Variants in PDE4A observed in about 807,000 individuals in gnomAD.
PDE4A encodes phosphodiesterase 4A.
Under a neutral mutation model 73.9 loss-of-function variants are expected in PDE4A, and 21 were observed. That is an observed-to-expected ratio of 0.28 (90% CI 0.20 to 0.41). The LOEUF is 0.41. Among genes scored for constraint, PDE4A ranks in the 10% least tolerant of loss-of-function variants. PDE4A has a pLI of 1.00. For missense variants in PDE4A, 958 were observed against 1,211.4 expected (o/e 0.79, Z 3.10); for synonymous variants, 463 against 505.4 (o/e 0.92, Z 1.13).
chr19:10,431,398 G>A (rs1349933605), intron 1 of PDE4A, among the ~76,000 whole-genome samples: 1 of 152,238 alleles, frequency 6.6e-6, no homozygotes, highest in Non-Finnish European at 1.5e-5. Flanking sequence ...AGTTCTGTCA[G>A]CCTCAGTCTA....
chr19:10,417,017 G>T, upstream of PDE4A: 1 of 1,535,892 alleles, frequency 6.5e-7, no homozygotes, highest in Non-Finnish European at 8.7e-7. Flanking sequence ...TTGGGCTAGG[G>T]GCGGGGCTTC....
intron 1 of PDE4A, chr19:10,430,730 C>T: frequency 4.1e-6 from 1 of 241,460 alleles, no homozygotes; most frequent in Non-Finnish European, 6.6e-6. Flanking sequence ...AGGGCCGAGG[C>T]GACAGGGCGG....
chr19:10,445,137 G>A (rs191536330), intron 1 of PDE4A, among the ~76,000 whole-genome samples: 2 of 152,294 alleles, frequency 1.3e-5, no homozygotes, highest in Admixed American at 1.3e-4. Context: ...AGCAGAGGGA[G>A]GACTTGACCT....
Position 10,424,922 on chromosome 19 carries a change from A to G in PDE4A, c.320+3838A>G, listed in dbSNP as rs191313214. ...AGGTCACACAGCGAGGAAGGTGAGA[A>G]TAGGAGTTAAAAACCAGATCTCGGC... On this transcript the variant is annotated intron_variant, in intron 1 of 14. Transcript: ENST00000380702. The surrounding 1 kb of genome is among the most constrained non-coding windows in gnomAD (Gnocchi z 4.8). Among the ~76,000 whole-genome samples the G allele has an allele frequency of 1.1e-3, 172 of 152,320 alleles. 1 individual carries two copies. Among genetic ancestry groups the G allele is most frequent in the African/African-American group, 4.1e-3 (171 of 41,584 alleles).
chr19:10,441,043 AT>A (rs1297620011), intron 1 of PDE4A, among the ~76,000 whole-genome samples: 1 of 145,692 alleles, frequency 6.9e-6, no homozygotes, highest in Non-Finnish European at 1.5e-5. Flanking sequence ...TGGCCTATTT[AT>A]TTTTGAAACA....
chr19:10,437,344 G>C (rs1348175845), intron 1 of PDE4A, among the ~76,000 whole-genome samples: 1 of 151,812 alleles, frequency 6.6e-6, no homozygotes, highest in Admixed American at 6.6e-5. Context: ...GGCTGGTCTC[G>C]AACTCCTGAT....
At chr19:10,433,449 C>G (rs912039913) in intron 1 of PDE4A, among the ~76,000 whole-genome samples, 4 of 152,166 alleles carry the variant, frequency 2.6e-5, no homozygotes, top group Non-Finnish European at 5.9e-5. Flanking sequence ...CAGATACACA[C>G]AGGAACGCAC....
rs2042686416 is a variant in PDE4A, at chr19:10,424,294, T to A, written c.320+3210T>A. Among the ~76,000 whole-genome samples, 1 of 152,146 alleles carries A rather than the reference T, an allele frequency of 6.6e-6. No individual in the cohort carries two copies. Among genetic ancestry groups the A allele is most frequent in the Non-Finnish European group, 1.5e-5 (1 of 68,002 alleles). On this transcript the variant is annotated intron_variant, in intron 1 of 14. Transcript: ENST00000380702. This position sits in a 1 kb window ranked among gnomAD's most constrained non-coding sequence, Gnocchi z 4.8. ...CAACATACGGACCCTGCGTCCCCCC[T>A]CCCTGGGCCCTAAAACTTCCCCATC...
chr19:10,466,584 G>A (rs2043376916), intron 14 of PDE4A, among the ~76,000 whole-genome samples: 2 of 151,242 alleles, frequency 1.3e-5, no homozygotes, highest in Admixed American at 6.6e-5. Flanking sequence ...TGCAATCTCC[G>A]CCTCCCAGGT....
upstream of PDE4A, chr19:10,417,697 T>C: frequency 6.3e-7 from 1 of 1,595,630 alleles, no homozygotes; most frequent in Non-Finnish European, 8.5e-7. Context: ...CGTGCCAACA[T>C]GCTGGGGGCC....
At chr19:10,459,015 CG>C (rs1196881556) in intron 8 of PDE4A, 1 of 192,850 alleles carries the variant, frequency 5.2e-6, no homozygotes, top group Non-Finnish European at 1.1e-5. Context: ...CCCTGGGGCT[CG>C]TGAACAGCTT....
chr19:10,417,120 C>T, upstream of PDE4A: 4 of 1,444,242 alleles, frequency 2.8e-6, no homozygotes, highest in Non-Finnish European at 1.8e-6. Context: ...TTGGTCCCCT[C>T]GTGCCTCAGT....
intron 14 of PDE4A, among the ~76,000 whole-genome samples, chr19:10,466,011 T>TC (rs1201616860): frequency 6.8e-6 from 1 of 147,532 alleles, no homozygotes; most frequent in East Asian, 2.1e-4. Flanking sequence ...TACTTTTTTT[T>TC]TTTTTTCCTG....
rs200742358 is a variant in PDE4A at position 10,457,963 on chromosome 19, C to T, written c.962C>T (p.Pro321Leu). 17 of 1,613,646 alleles carry T rather than the reference C, an allele frequency of 1.1e-5. No homozygotes were observed. The highest frequency in any genetic ancestry group is 6.7e-5 in the African/African-American group (5 of 75,002). Reference sequence around the variant, plus strand: ...GCGCCGCGACCAAGACCCTCCCAGCCGCCCCCGCCCCCTGTACCACACTTA... The same window carrying T: ...GCGCCGCGACCAAGACCCTCCCAGCTGCCCCCGCCCCCTGTACCACACTTA... ...QQAPRPRPSQ[P>L]PPPPVPHLQP... Residue 321 changes from proline (P) to leucine (L), a missense_variant, in exon 8 of 15, where the codon CCG (proline) becomes CTG (leucine). Transcript: ENST00000380702.
intron 8 of PDE4A, 93 bp from the exon 9 acceptor site, chr19:10,459,307 C>T (rs770276061): frequency 6.3e-7 from 1 of 1,585,002 alleles, no homozygotes; most frequent in East Asian, 2.3e-5. Context: ...AATAATGGTG[C>T]TTCCTTCAGA....
Position 10,420,658 on chromosome 19 carries a change from G to A in PDE4A, c.-107G>A. 2.2e-6 allele frequency: 3 copies of A among 1,363,438 alleles called. No homozygotes were observed. Among genetic ancestry groups the A allele is most frequent in the Non-Finnish European group, 2.8e-6 (3 of 1,066,360 alleles). 84.5% of individuals were successfully genotyped at this position (1,363,438 alleles called of 1,614,324 possible). Reference sequence around the variant, plus strand: ...CCCCGGGGCGCCATGGCCCTACCGCGGCCGGGCGCACCCGCGGGGCCCTGG... The same window carrying A: ...CCCCGGGGCGCCATGGCCCTACCGCAGCCGGGCGCACCCGCGGGGCCCTGG... On this transcript the variant is annotated 5_prime_UTR_variant, in exon 1 of 15. Transcript: ENST00000380702. The surrounding 1 kb of genome is among the most constrained non-coding windows in gnomAD (Gnocchi z 6.0).
rs200635711 is a variant in PDE4A, at chr19:10,459,656, C to T, written c.1262C>T (p.Thr421Met). Residue 421 changes from threonine (T) to methionine (M), a missense_variant, in exon 10 of 15, where the codon ACG (threonine) becomes ATG (methionine). Thr to Met is a moderately conservative substitution (Grantham distance 81, BLOSUM62 -1). This residue lies in a region of PDE4A where 570 missense variants were observed against 827.7 expected (regional missense o/e 0.69). Coordinates refer to ENST00000380702, the MANE Select transcript of PDE4A (RefSeq NM_001111307.2). ...PVDTMVTYML[T>M]LEDHYHADVA... ...GACACGATGGTGACATACATGCTGA[C>T]GCTGGAGGATCACTACCACGCTGAC... 198 of 1,614,098 alleles carry T rather than the reference C, an allele frequency of 1.2e-4. No homozygotes were observed. The highest frequency in any genetic ancestry group is 1.5e-4 in the Non-Finnish European group (176 of 1,180,036).
intron 1 of PDE4A, among the ~76,000 whole-genome samples, chr19:10,443,671 C>T (rs1339647910): frequency 6.6e-6 from 1 of 151,938 alleles, no homozygotes; most frequent in Admixed American, 6.6e-5. Flanking sequence ...TGGGATTGCC[C>T]TACAGGACTC....
intron 13 of PDE4A, among the ~76,000 whole-genome samples, chr19:10,463,335 C>T (rs2043307147): frequency 6.6e-6 from 1 of 151,656 alleles, no homozygotes; most frequent in South Asian, 2.1e-4. Context: ...AGTGATCTGC[C>T]CACCTTGGCC....
Sources: gnomAD v4.1 joint callset for allele counts (sites outside exome capture counted in the v4.1 genomes callset) on GRCh38, gnomAD v4.1.1 for gene constraint, gnomAD v4.1.1 regional missense constraint, Gnocchi (gnomAD v3.1) non-coding constraint, MANE v1.5 for transcripts, NCBI Gene and HGNC (gene_info 2026-07-23, HGNC 2026-07-21) for gene names.